LRP1B: variants seen among roughly 807,000 people sequenced by gnomAD.
The protein encoded by LRP1B is low-density lipoprotein receptor-related protein 1B.
Under a neutral mutation model 556.6 loss-of-function variants are expected in LRP1B, and 217 were observed. The ratio of observed to expected loss-of-function variants is 0.39; its 90% CI spans 0.35 to 0.44. The LOEUF (loss-of-function observed/expected upper bound fraction) is 0.44, where lower values mean the gene tolerates loss of function less well. Among genes scored for constraint, LRP1B ranks in the 20% least tolerant of loss-of-function variants. The pLI, the probability that LRP1B is intolerant of heterozygous loss-of-function variation, is 1.00. For synonymous variants in LRP1B, 2,047 were observed against 1,865.8 expected (o/e 1.10, Z -2.50); for missense variants, 5,053 against 5,620.8 (o/e 0.90, Z 3.23).
At chr2:141,991,557 C>T (rs1332793322) in intron 1 of LRP1B, among the ~76,000 whole-genome samples, 1 of 151,962 alleles carries the variant, frequency 6.6e-6, no homozygotes, top group Non-Finnish European at 1.5e-5. Context: ...AACTATTTTA[C>T]ATGTAATATA....
intron 59 of LRP1B, among the ~76,000 whole-genome samples, chr2:140,481,919 T>G (rs1259034844): frequency 2.0e-5 from 3 of 152,168 alleles, no homozygotes; most frequent in Non-Finnish European, 4.4e-5. Flanking sequence ...TGTTCTTTCC[T>G]AGAGAGACCG....
chr2:141,369,326 A>T (rs1399695138), intron 3 of LRP1B, among the ~76,000 whole-genome samples: 1 of 152,158 alleles, frequency 6.6e-6, no homozygotes, highest in Admixed American at 6.5e-5. Flanking sequence ...ACATCAAGAG[A>T]TAGGTAACAT....
intron 32 of LRP1B, among the ~76,000 whole-genome samples, chr2:140,812,815 A>G (rs532509593): frequency 1.1e-4 from 17 of 152,066 alleles, no homozygotes; most frequent in Non-Finnish European, 2.1e-4. Context: ...TCTGAGTATC[A>G]TCCTGTAACC....
At chr2:140,799,130 CA>C (rs1230860598) in intron 32 of LRP1B, among the ~76,000 whole-genome samples, 2 of 152,176 alleles carry the variant, frequency 1.3e-5, no homozygotes, top group East Asian at 3.9e-4. Flanking sequence ...AACATATTTG[CA>C]ATTAAAATAC....
chr2:140,891,892 A>G (rs1693810283), intron 23 of LRP1B, among the ~76,000 whole-genome samples: 1 of 152,042 alleles, frequency 6.6e-6, no homozygotes, highest in South Asian at 2.1e-4. Context: ...TGGATTTTTA[A>G]AATATATCTG....
At chr2:141,166,580 T>C (rs1285855557) in intron 7 of LRP1B, among the ~76,000 whole-genome samples, 2 of 151,872 alleles carry the variant, frequency 1.3e-5, no homozygotes, top group Non-Finnish European at 1.5e-5. Flanking sequence ...CAATAAGTCA[T>C]TGTTGACTGT....
intron 12 of LRP1B, 144 bp from the exon 13 acceptor site, chr2:141,016,059 G>C (rs3795900): frequency 1.7e-5 from 11 of 654,228 alleles, no homozygotes; most frequent in Admixed American, 7.9e-5. Flanking sequence ...TGTCAAAGAG[G>C]GGGGAGCTGT....
intron 76 of LRP1B, 92 bp from the exon 77 acceptor site, chr2:140,351,130 ATTC>A (rs2105117318): frequency 1.2e-6 from 1 of 866,102 alleles, no homozygotes; most frequent in South Asian, 1.8e-5. Flanking sequence ...TTGAATTATT[ATTC>A]TTAATACAGT....
At chr2:140,402,892 G>T (rs997869345) in intron 66 of LRP1B, among the ~76,000 whole-genome samples, 3 of 152,182 alleles carry the variant, frequency 2.0e-5, no homozygotes, top group African/African-American at 7.2e-5. Context: ...CATACCACAG[G>T]AGAAGGAGAT....
At chr2:141,776,270 T>C (rs1259707052) in intron 2 of LRP1B, among the ~76,000 whole-genome samples, 1 of 152,208 alleles carries the variant, frequency 6.6e-6, no homozygotes, top group African/African-American at 2.4e-5. Context: ...CAAAGAGTTG[T>C]TGACTGAAAG....
Position 140,325,864 on chromosome 2 carries a change from A to C in LRP1B, c.12238T>G (p.Tyr4080Asp). 6.2e-7 allele frequency: 1 copy of C among 1,611,366 alleles called. No individual in the cohort carries two copies. Among genetic ancestry groups the C allele is most frequent in the Non-Finnish European group, 8.5e-7 (1 of 1,178,098 alleles). Reference protein sequence around the residue: ...LQRPTGLAVDYFSERIYWADF... With the variant: ...LQRPTGLAVDDFSERIYWADF... ...GCCCAATATATGCGTTCACTAAAAT[A>C]ATCCACAGCCAAACCTGCAAAATCA... The change falls in exon 80 of 91, where the codon TAT (tyrosine) becomes GAT (aspartate). Residue 4080 changes from tyrosine (Y) to aspartate (D), a missense_variant. Tyr to Asp is a radical substitution (Grantham distance 160, BLOSUM62 -3). Around this residue, in one of 5 missense-constraint regions of LRP1B, gnomAD observed 22 missense variants for 53.4 expected, o/e 0.41. Transcript: ENST00000389484.
Position 142,050,326 on chromosome 2 carries a change from G to T in LRP1B, c.82+80322C>A, listed in dbSNP as rs188596330. ...AGCTATAACAAGTATATTATCATTTGAAACCTTAATAATTCTAATCTAGTT... is the reference window on the plus strand; with the variant it reads ...AGCTATAACAAGTATATTATCATTTTAAACCTTAATAATTCTAATCTAGTT... On this transcript the variant is annotated intron_variant, in intron 1 of 90. Transcript: ENST00000389484. Among the ~76,000 whole-genome samples the T allele has an allele frequency of 2.2e-3, 329 of 152,192 alleles. 1 individual carries two copies. Among genetic ancestry groups the T allele is most frequent in the Non-Finnish European group, 3.3e-3 (225 of 67,994 alleles).
intron 1 of LRP1B, among the ~76,000 whole-genome samples, chr2:141,867,914 T>A (rs77889192): frequency 0.021 from 3,268 of 152,248 alleles, 93 homozygotes; most frequent in South Asian, 0.063. Context: ...AAAGCAAGGA[T>A]GAACTATTTG....
intron 2 of LRP1B, among the ~76,000 whole-genome samples, chr2:141,796,282 T>C (rs1695808790): frequency 6.6e-6 from 1 of 152,032 alleles, no homozygotes; most frequent in South Asian, 2.1e-4. Context: ...ATGGTTCCAA[T>C]CGGAGTGCAG....
At chr2:141,070,073 G>A (rs1029130476) in intron 7 of LRP1B, among the ~76,000 whole-genome samples, 26 of 149,948 alleles carry the variant, frequency 1.7e-4, no homozygotes, top group African/African-American at 6.1e-4. Flanking sequence ...TTGTTCTTGC[G>A]ATAGTTTACT....
At chr2:140,860,365 C>A (rs1207553178) in intron 27 of LRP1B, among the ~76,000 whole-genome samples, 1 of 152,146 alleles carries the variant, frequency 6.6e-6, no homozygotes, top group Admixed American at 6.5e-5. Flanking sequence ...GGTTTTGATT[C>A]TTTTTTAAAA....
chr2:140,580,575 G>A (rs778755673), intron 43 of LRP1B, among the ~76,000 whole-genome samples: 17 of 152,252 alleles, frequency 1.1e-4, no homozygotes, highest in Non-Finnish European at 1.9e-4. Flanking sequence ...TAATTACTTT[G>A]ATTTTAAATG....
At chr2:140,480,764 T>C (rs1688202780) in intron 59 of LRP1B, among the ~76,000 whole-genome samples, 1 of 152,120 alleles carries the variant, frequency 6.6e-6, no homozygotes, top group African/African-American at 2.4e-5. Flanking sequence ...TGTCAGAATT[T>C]TAGTAAAAGA....
At chr2:141,776,525 CT>C (rs1695080142) in intron 2 of LRP1B, among the ~76,000 whole-genome samples, 1 of 152,110 alleles carries the variant, frequency 6.6e-6, no homozygotes, top group Non-Finnish European at 1.5e-5. Flanking sequence ...AAATATCACC[CT>C]TTTTTAAACT....
Sources: allele counts gnomAD v4.1 joint callset (sites outside exome capture counted in the v4.1 genomes callset), GRCh38; gene constraint gnomAD v4.1.1; regional missense constraint gnomAD v4.1.1; transcripts MANE v1.5; gene names NCBI Gene and HGNC (gene_info 2026-07-23, HGNC 2026-07-21).